The following PAXIP1 variants were observed in gnomAD, a reference collection of about 807,000 sequenced individuals.
PAXIP1 encodes PAX-interacting protein 1.
In PAXIP1, 19 loss-of-function variants were observed where a neutral mutation model predicts 140.6. The observed-to-expected ratio is 0.14, with a 90% confidence interval of 0.09 to 0.20. The LOEUF is 0.20. Ranked by LOEUF, PAXIP1 falls within the 10% of genes least tolerant of loss-of-function variation. The pLI is 1.00. For missense variants in PAXIP1, 920 were observed against 1,208.6 expected, an observed-to-expected ratio of 0.76 and a Z score of 3.54; for synonymous variants, 442 against 444.6, an observed-to-expected ratio of 0.99 and a Z score of 0.07.
chr7:154,994,763 A>G (rs1276880538), intron 2 of PAXIP1, among the ~76,000 whole-genome samples: 1 of 152,210 alleles, frequency 6.6e-6, no homozygotes, highest in Non-Finnish European at 1.5e-5. Context: ...TAAACATTTT[A>G]TAAAATAAAA....
At position 155,002,884 on chromosome 7, in the gene PAXIP1, C is replaced by T. The variant is rs373791561; in HGVS notation, c.46G>A (p.Val16Ile). Residue 16 changes from valine to isoleucine, a missense_variant, in exon 1 of 21, where the codon GTC (valine) becomes ATC (isoleucine). By Grantham distance (29) the Val-to-Ile change is conservative. Transcript: ENST00000404141. Reference sequence around the variant, plus strand: ...ATGTCGCCCACCGCGTAATACTTGACCTCCCTGAACATCTCCTCAGGAACT... The same window carrying T: ...ATGTCGCCCACCGCGTAATACTTGATCTCCCTGAACATCTCCTCAGGAACT... ...PKVPEEMFREVKYYAVGDIDP... is the reference protein window; with the variant it reads ...PKVPEEMFREIKYYAVGDIDP... The T allele has an allele frequency of 2.2e-4, 307 of 1,413,478 alleles. No individual in the cohort carries two copies. The African/African-American group carries it at 3.9e-3, about 18-fold the overall frequency. 87.6% of individuals were successfully genotyped at this position (1,413,478 alleles called of 1,614,324 possible). A position where few individuals can be genotyped will look rare whatever the true frequency, so the allele number is the denominator to read the frequency against.
intron 4 of PAXIP1, among the ~76,000 whole-genome samples, chr7:154,985,381 G>C (rs1810023034): frequency 6.6e-6 from 1 of 151,964 alleles, no homozygotes; most frequent in Non-Finnish European, 1.5e-5. Flanking sequence ...TAGTGTCCAG[G>C]CCCTTCCTGT....
chr7:154,962,303 G>C lies in PAXIP1; in HGVS notation c.2127+18C>G. 1 of 1,611,200 alleles carries C rather than the reference G, an allele frequency of 6.2e-7. No individual in the cohort carries two copies. Among genetic ancestry groups the C allele is most frequent in the Non-Finnish European group, 8.5e-7 (1 of 1,178,194 alleles). ...CGAAGGATGATTTAACAAATGGAAC[G>C]CGAGGACTCTGTCTTACATGCTGTG... On this transcript the variant is annotated intron_variant, in intron 10 of 20. Transcript: ENST00000404141.
At chr7:154,948,190 A>T (rs1007603603) in intron 16 of PAXIP1, 187 bp from the exon 17 acceptor site, 6 of 569,500 alleles carry the variant, frequency 1.1e-5, no homozygotes, top group Middle Eastern at 4.1e-4. Context: ...CCAGACCAAA[A>T]AGACAGACAG....
At chr7:154,993,640 A>G (rs1483967379) in intron 3 of PAXIP1, 86 bp downstream of exon 3, 7 of 999,468 alleles carry the variant, frequency 7.0e-6, no homozygotes, top group Non-Finnish European at 9.2e-6. Flanking sequence ...GAATGAATCC[A>G]CTTTTCACTC....
intron 20 of PAXIP1, chr7:154,944,806 A>T (rs1439533058): frequency 6.6e-6 from 1 of 152,214 alleles, no homozygotes. Flanking sequence ...CAGGCCTCTT[A>T]TCATTCCTAT....
rs1181784161 is a variant in PAXIP1, at chr7:154,969,053, T to C, written c.1148A>G (p.Asn383Ser). Reference sequence around the variant, plus strand: ...TTGGCTAAACAGCACTGCATTGGCATTTGTATGTCCCTGCTGGCTGTGATT... The same window carrying C: ...TTGGCTAAACAGCACTGCATTGGCACTTGTATGTCCCTGCTGGCTGTGATT... ...QVNHSQQGHTNANAVLFSQVK... is the reference protein window; with the variant it reads ...QVNHSQQGHTSANAVLFSQVK... The change falls in exon 7 of 21, where the codon AAT becomes AGT. Residue 383 changes from asparagine to serine, a missense_variant. This residue lies in a region of PAXIP1 where 419 missense variants were observed against 514.7 expected (regional missense o/e 0.81). Coordinates refer to ENST00000404141, the MANE Select transcript of PAXIP1 (RefSeq NM_007349.4). 2.0e-6 allele frequency: 3 copies of C among 1,535,860 alleles called. No individual in the cohort carries two copies. Among genetic ancestry groups the C allele is most frequent in the Non-Finnish European group, 2.6e-6 (3 of 1,136,578 alleles).
Position 154,954,542 on chromosome 7 carries a change from G to C in PAXIP1, c.2653-119C>G. The C allele has an allele frequency of 1.6e-6, 1 of 610,386 alleles. No individual in the cohort carries two copies. The highest frequency in any genetic ancestry group is 8.5e-5 in the South Asian group (1 of 11,744). The allele number at this position is 610,386 out of a possible 1,614,324, so 37.8% of individuals were successfully genotyped here. ...ACAAGGTTTATGACTGTAATTCTCA[G>C]CCACAGAAAACAGTGTGACAGGTAA... is the stretch of plus-strand genomic sequence containing the variant. On this transcript the variant is annotated intron_variant, in intron 15 of 20. Coordinates refer to ENST00000404141, the MANE Select transcript of PAXIP1 (RefSeq NM_007349.4). The surrounding 1 kb of genome is among the most constrained non-coding windows in gnomAD (Gnocchi z 5.1).
intron 12 of PAXIP1, 48 bp from the exon 13 acceptor site, chr7:154,959,981 T>C (rs1482163289): frequency 1.6e-6 from 2 of 1,250,764 alleles, no homozygotes; most frequent in Non-Finnish European, 2.3e-6. Context: ...GTTGTTTAAA[T>C]AAAAAGGCCT....
chr7:154,993,778 G>C lies in PAXIP1; in HGVS notation c.217-9C>G, dbSNP rs558301649. On this transcript the variant is annotated splice_polypyrimidine_tract_variant and intron_variant, in intron 2 of 20. Coordinates refer to ENST00000404141, the MANE Select transcript of PAXIP1 (RefSeq NM_007349.4). ...AGAATCACCCAAGAAGGCTGAAAAA[G>C]AAAAGATTAAATCAAAAAGTATTCT... 19 of 1,571,842 alleles carry C rather than the reference G, an allele frequency of 1.2e-5. No homozygotes were observed. The South Asian group carries it at 2.1e-4, about 17-fold the overall frequency.
intron 6 of PAXIP1, among the ~76,000 whole-genome samples, chr7:154,971,661 G>A (rs1290111033): frequency 2.6e-5 from 4 of 152,214 alleles, no homozygotes; most frequent in Non-Finnish European, 5.9e-5. Flanking sequence ...TGAATGTCAA[G>A]TTTAAATTTT....
chr7:154,976,105 C>T lies in PAXIP1; in HGVS notation c.665G>A (p.Ser222Asn). 6.4e-7 allele frequency: 1 copy of T among 1,572,108 alleles called. No homozygotes were observed. The highest frequency in any genetic ancestry group is 8.6e-7 in the Non-Finnish European group (1 of 1,157,098). The stretch of plus-strand genomic sequence containing the variant: ...ACCTGAAGGAGACCCTTCTTGAGAG[C>T]TGGCAGGGCTTGACTTCTCATCTGT... ...GSTDEKSSPA[S>N]SQEGSPSGDQ... Residue 222 changes from serine (S) to asparagine (N), a missense_variant, in exon 6 of 21, where the codon AGC becomes AAC. Transcript: ENST00000404141.
rs1808059999 is a variant in PAXIP1, at chr7:154,947,722, G to A, written c.2922+181C>T. ...GAAAAGTTCTCTAGAGATGTGCTGTGGTTCACAGGAGGAAGACCTCCAGTG... is the reference window on the plus strand; with the variant it reads ...GAAAAGTTCTCTAGAGATGTGCTGTAGTTCACAGGAGGAAGACCTCCAGTG... On this transcript the variant is annotated intron_variant, in intron 17 of 20. Coordinates refer to ENST00000404141, the MANE Select transcript of PAXIP1 (RefSeq NM_007349.4). 4 of 592,212 alleles carry A rather than the reference G, an allele frequency of 6.8e-6. No individual in the cohort carries two copies. The East Asian group carries it at 1.1e-4, about 16-fold the overall frequency. The allele number at this position is 592,212 out of a possible 1,614,324, so 36.7% of individuals were successfully genotyped here.
intron 2 of PAXIP1, among the ~76,000 whole-genome samples, chr7:154,996,500 T>C (rs932154814): frequency 2.0e-5 from 3 of 152,242 alleles, no homozygotes; most frequent in African/African-American, 7.2e-5. Flanking sequence ...CCTTACATAC[T>C]GACTTTCCCA....
intron 1 of PAXIP1, 94 bp downstream of exon 1, chr7:155,002,743 TCTGCGCCCGGCG>T: frequency 1.8e-6 from 1 of 568,492 alleles, no homozygotes; most frequent in Non-Finnish European, 2.4e-6. Context: ...GACCCGACGC[TCTGCGCCCGGCG>T]CGCGCCCGCG....
At chr7:154,997,052 TG>T (rs1311853023) in intron 2 of PAXIP1, among the ~76,000 whole-genome samples, 2 of 152,166 alleles carry the variant, frequency 1.3e-5, no homozygotes, top group Non-Finnish European at 2.9e-5. Flanking sequence ...ACAGAGATAC[TG>T]TCCCTAAAGC....
rs1807808084 is a variant in PAXIP1 at position 154,943,996 on chromosome 7, T to C, written c.*153A>G. On this transcript the variant is annotated 3_prime_UTR_variant, in exon 21 of 21. Transcript: ENST00000404141. ...TTGCACATCTTAAAAAGATGCAGTA[T>C]ATTTATTATATCTGTCTTCCTGCTT... 1.1e-5 allele frequency: 8 copies of C among 717,902 alleles called. No individual in the cohort carries two copies. The Middle Eastern group carries it at 1.4e-3, about 126-fold the overall frequency. The allele number at this position is 717,902 out of a possible 1,614,324, so 44.5% of individuals were successfully genotyped here. A position where few individuals can be genotyped will look rare whatever the true frequency, so the allele number is the denominator to read the frequency against.
At chr7:154,960,663 G>A (rs761483446) in intron 12 of PAXIP1, among the ~76,000 whole-genome samples, 11 of 151,942 alleles carry the variant, frequency 7.2e-5, no homozygotes, top group Non-Finnish European at 1.2e-4. Flanking sequence ...GTGACAAAGC[G>A]AGACCCTGTC....
intron 5 of PAXIP1, among the ~76,000 whole-genome samples, chr7:154,980,831 T>C (rs546046461): frequency 1.3e-5 from 2 of 152,244 alleles, no homozygotes; most frequent in Non-Finnish European, 2.9e-5. Context: ...GTGGGCATTA[T>C]GCCTTCTTAA....
Sources: allele counts gnomAD v4.1 joint callset (sites outside exome capture counted in the v4.1 genomes callset), GRCh38; gene constraint gnomAD v4.1.1; regional missense constraint gnomAD v4.1.1; non-coding constraint Gnocchi (gnomAD v3.1); transcripts MANE v1.5; gene names NCBI Gene and HGNC (gene_info 2026-07-23, HGNC 2026-07-21).